Variants in UVRAG observed in about 807,000 individuals in gnomAD.
UVRAG encodes the protein UV radiation resistance associated.
A neutral mutation model predicts 78.0 loss-of-function variants in UVRAG; 19 were observed. That is an observed-to-expected ratio of 0.24 (90% CI 0.17 to 0.36). The LOEUF (loss-of-function observed/expected upper bound fraction) is 0.36, where lower values mean the gene tolerates loss of function less well. UVRAG is among the 10% of genes least tolerant of loss of function. The pLI, the probability that UVRAG is intolerant of heterozygous loss-of-function variation, is 1.00. For synonymous variants in UVRAG, 323 were observed against 324.6 expected, an observed-to-expected ratio of 1.00 and a Z score of 0.05; for missense variants, 740 against 853.8, an observed-to-expected ratio of 0.87 and a Z score of 1.66.
intron 12 of UVRAG, among the ~76,000 whole-genome samples, chr11:76,045,929 A>G (rs907819523): frequency 1.3e-5 from 2 of 152,200 alleles, no homozygotes; most frequent in Admixed American, 1.3e-4. Flanking sequence ...GCCTAGCACA[A>G]TAACATTTTA....
intron 13 of UVRAG, among the ~76,000 whole-genome samples, chr11:76,106,254 A>T (rs1289517034): frequency 6.6e-6 from 1 of 152,138 alleles, no homozygotes; most frequent in Non-Finnish European, 1.5e-5. Flanking sequence ...CTATGATTCC[A>T]TTTCTACAAT....
intron 13 of UVRAG, among the ~76,000 whole-genome samples, chr11:76,073,317 C>A (rs1484408894): frequency 6.6e-6 from 1 of 152,044 alleles, no homozygotes; most frequent in Non-Finnish European, 1.5e-5. Flanking sequence ...AAAGCCTTGT[C>A]TTTACTTGAA....
At chr11:76,089,541 G>A (rs996699230) in intron 13 of UVRAG, among the ~76,000 whole-genome samples, 2 of 152,184 alleles carry the variant, frequency 1.3e-5, no homozygotes, top group Non-Finnish European at 2.9e-5. Context: ...ATGGAAGGAA[G>A]GGGGTATGTG....
At chr11:75,956,386 GC>G (rs1948799219) in intron 6 of UVRAG, among the ~76,000 whole-genome samples, 1 of 141,408 alleles carries the variant, frequency 7.1e-6, no homozygotes, top group Non-Finnish European at 1.5e-5. Context: ...TGCAATTCTT[GC>G]CTTTTTTTTT....
intron 8 of UVRAG, among the ~76,000 whole-genome samples, chr11:75,995,205 C>T (rs1949682369): frequency 1.3e-5 from 2 of 149,690 alleles, no homozygotes; most frequent in African/African-American, 2.5e-5. Flanking sequence ...ATCTTTGACC[C>T]AAGTGTGTCT....
chr11:75,833,632 A>G (rs1235074179), intron 1 of UVRAG, among the ~76,000 whole-genome samples: 2 of 152,226 alleles, frequency 1.3e-5, no homozygotes, highest in Non-Finnish European at 2.9e-5. Flanking sequence ...GGGGTCTCAC[A>G]GCCTTCAGAG....
chr11:75,906,319 T>G (rs1269386813), intron 5 of UVRAG, among the ~76,000 whole-genome samples: 3 of 151,720 alleles, frequency 2.0e-5, no homozygotes, highest in Non-Finnish European at 4.4e-5. Context: ...GTTCTATAGG[T>G]TTTTTTTAGC....
chr11:75,956,303 T>C (rs1948796687), intron 6 of UVRAG, among the ~76,000 whole-genome samples: 1 of 152,220 alleles, frequency 6.6e-6, no homozygotes, highest in African/African-American at 2.4e-5. Flanking sequence ...ATAGGTTAAA[T>C]ATATGTTTAA....
At chr11:75,913,948 A>G (rs1417128198) in intron 6 of UVRAG, among the ~76,000 whole-genome samples, 1 of 152,214 alleles carries the variant, frequency 6.6e-6, no homozygotes, top group Non-Finnish European at 1.5e-5. Flanking sequence ...CAGATGTGTC[A>G]GTAATTTGAA....
At chr11:76,100,957 G>A (rs1219929732) in intron 13 of UVRAG, among the ~76,000 whole-genome samples, 1 of 152,060 alleles carries the variant, frequency 6.6e-6, no homozygotes, top group Non-Finnish European at 1.5e-5. Context: ...TTTTATGGCG[G>A]CATAATATTC....
At chr11:76,034,424 C>T (rs1227413676) in intron 12 of UVRAG, among the ~76,000 whole-genome samples, 1 of 152,178 alleles carries the variant, frequency 6.6e-6, no homozygotes, top group Non-Finnish European at 1.5e-5. Context: ...GTCCTGAACT[C>T]CTGGGCTAAA....
chr11:75,970,615 C>T (rs1000155783), intron 7 of UVRAG, among the ~76,000 whole-genome samples: 4 of 151,890 alleles, frequency 2.6e-5, no homozygotes, highest in South Asian at 2.1e-4. Flanking sequence ...CGCCTGTAGT[C>T]CCAGTTACTT....
intron 14 of UVRAG, among the ~76,000 whole-genome samples, chr11:76,122,789 G>A (rs1952309324): frequency 6.6e-6 from 1 of 152,084 alleles, no homozygotes; most frequent in Non-Finnish European, 1.5e-5. Context: ...TTAGAGATAA[G>A]TACCCTAAAA....
intron 13 of UVRAG, among the ~76,000 whole-genome samples, chr11:76,067,600 A>G (rs1012977474): frequency 6.6e-6 from 1 of 152,016 alleles, no homozygotes; most frequent in Non-Finnish European, 1.5e-5. Flanking sequence ...CTACTAAAAA[A>G]TACAAAAATT....
intron 7 of UVRAG, among the ~76,000 whole-genome samples, chr11:75,974,602 A>G (rs1310492899): frequency 6.6e-6 from 1 of 150,376 alleles, no homozygotes; most frequent in South Asian, 2.1e-4. Flanking sequence ...TCCTGACCTC[A>G]CGATCCACCC....
chr11:76,033,629 C>T (rs1950477080), intron 12 of UVRAG, among the ~76,000 whole-genome samples: 1 of 151,786 alleles, frequency 6.6e-6, no homozygotes, highest in Non-Finnish European at 1.5e-5. Flanking sequence ...ATTTTTAAAA[C>T]CTTTATTTAT....
At chr11:76,068,148 G>A (rs1045772465) in intron 13 of UVRAG, among the ~76,000 whole-genome samples, 1 of 152,132 alleles carries the variant, frequency 6.6e-6, no homozygotes, top group African/African-American at 2.4e-5. Context: ...AGGATGGTAT[G>A]CCAAAAGATC....
chr11:76,033,259 AGC>A lies in UVRAG; in HGVS notation c.1226+16280_1226+16281del, dbSNP rs1374169041. Among the ~76,000 whole-genome samples, 7 of 152,214 alleles carry A rather than the reference AGC, an allele frequency of 4.6e-5. No homozygotes were observed. In the East Asian group the frequency reaches 1.3e-3, roughly 29 times the overall value. On this transcript the variant is annotated intron_variant, in intron 12 of 14. Transcript: ENST00000356136. ...CTAGCCTCAGAATACTCTTTTGGAA[AGC>A]AAAAATAATGGCTTCACAGAAAGGT...
intron 7 of UVRAG, among the ~76,000 whole-genome samples, chr11:75,967,320 G>A (rs547511563): frequency 6.6e-6 from 1 of 152,230 alleles, no homozygotes; most frequent in Admixed American, 6.5e-5. Flanking sequence ...CGGGTTCTAA[G>A]CCTGTTACTG....
Sources: allele counts gnomAD v4.1 joint callset (sites outside exome capture counted in the v4.1 genomes callset), GRCh38; gene constraint gnomAD v4.1.1; transcripts MANE v1.5; gene names NCBI Gene and HGNC (gene_info 2026-07-23, HGNC 2026-07-21).